The following INTS1 variants were observed in gnomAD, a reference collection of about 807,000 sequenced individuals.
The protein encoded by INTS1 is integrator complex subunit 1.
In INTS1, 137 loss-of-function variants were observed where a neutral mutation model predicts 241.6. The ratio of observed to expected loss-of-function variants is 0.57; its 90% CI spans 0.49 to 0.65. The LOEUF (loss-of-function observed/expected upper bound fraction) is 0.65. Ranked by LOEUF, INTS1 falls within the 30% of genes least tolerant of loss-of-function variation. INTS1 has a pLI of 0.00. For synonymous variants in INTS1, 1,692 were observed against 1,337.8 expected (o/e 1.26, Z -5.78); for missense variants, 3,073 against 3,032.2 (o/e 1.01, Z -0.32).
intron 21 of INTS1, 59 bp from the exon 22 acceptor site, chr7:1,486,833 G>A: frequency 6.2e-7 from 1 of 1,600,664 alleles, no homozygotes; most frequent in South Asian, 1.1e-5. Flanking sequence ...GTAGGACGTG[G>A]GGTGCGCGGC....
In INTS1 at chr7:1,496,167, C is replaced by G; in HGVS notation, c.1700G>C (p.Gly567Ala). Residue 567 changes from glycine to alanine, a missense_variant, in exon 12 of 48, where the codon GGA becomes GCA. By Grantham distance (60) the Gly-to-Ala change is moderately conservative. Coordinates refer to ENST00000404767, the MANE Select transcript of INTS1 (RefSeq NM_001080453.3). ...VKEAGIAWDK[G>A]EKRNLEVLRS... ...CCCCACATCCTTACTCCTCTTTTCT[C>G]CTTTGTCCCAGGCGATGCCGGCCTC... 6.2e-7 allele frequency: 1 copy of G among 1,613,740 alleles called. No individual in the cohort carries two copies. The highest frequency in any genetic ancestry group is 8.5e-7 in the Non-Finnish European group (1 of 1,179,722).
rs1318813769 is a variant in INTS1 at position 1,478,782 on chromosome 7, C to T, written c.4433G>A (p.Arg1478Gln). 1.2e-6 allele frequency: 2 copies of T among 1,603,024 alleles called. No homozygotes were observed. The highest frequency in any genetic ancestry group is 2.3e-5 in the East Asian group (1 of 44,268). Residue 1478 changes from arginine (R) to glutamine (Q), a missense_variant, in exon 32 of 48, where the codon CGG becomes CAG. By Grantham distance (43) the Arg-to-Gln change is conservative. Coordinates refer to ENST00000404767, the MANE Select transcript of INTS1 (RefSeq NM_001080453.3). Reference sequence around the variant, plus strand: ...GCTGGCAAGCATCCTGAGCTGTGCCCGCAGGGGCCCGCCCTCCACGCCAGG... The same window carrying T: ...GCTGGCAAGCATCCTGAGCTGTGCCTGCAGGGGCCCGCCCTCCACGCCAGG... The part of the protein sequence containing the change: ...DSPGVEGGPL[R>Q]AQLRMLASQA...
rs750455522 is a variant in INTS1, at chr7:1,483,804, G to A, written c.3479C>T (p.Ala1160Val). The A allele has an allele frequency of 2.5e-6, 4 of 1,612,368 alleles. No individual in the cohort carries two copies. Among genetic ancestry groups the A allele is most frequent in the East Asian group, 2.2e-5 (1 of 44,888 alleles). The part of the protein sequence containing the change: ...VFLRWSSGET[A>V]TMHILVVHAM... ...ATGGACCACGAGGATGTGCATGGTG[G>A]CTGTCTCCCCGCTGCTCCAGCGTAG... Residue 1160 changes from alanine to valine, a missense_variant, in exon 26 of 48, where the codon GCC becomes GTC. Coordinates refer to ENST00000404767, the MANE Select transcript of INTS1 (RefSeq NM_001080453.3).
chr7:1,479,712 G>A, intron 30 of INTS1, 28 bp from the exon 31 acceptor site: 2 of 1,448,878 alleles, frequency 1.4e-6, no homozygotes, highest in Non-Finnish European at 1.8e-6. Flanking sequence ...AGTGTCAGGA[G>A]GAAGCGGAGG....
At chr7:1,478,113 G>T (rs1018233574) in intron 33 of INTS1, among the ~76,000 whole-genome samples, 177 bp from the exon 34 acceptor site, 1 of 148,128 alleles carries the variant, frequency 6.8e-6, no homozygotes, top group Non-Finnish European at 1.5e-5. Context: ...TGCGGCCGGG[G>T]CTGGAGAGTG....
chr7:1,490,153 C>A (rs1428947319), intron 16 of INTS1, among the ~76,000 whole-genome samples: 1 of 152,214 alleles, frequency 6.6e-6, no homozygotes, highest in Non-Finnish European at 1.5e-5. Flanking sequence ...AAGACCACAC[C>A]AGAAAGCAGA....
At chr7:1,473,875 G>A (rs989843576) in intron 41 of INTS1, among the ~76,000 whole-genome samples, 182 bp from the exon 42 acceptor site, 2 of 152,232 alleles carry the variant, frequency 1.3e-5, no homozygotes, top group African/African-American at 4.8e-5. Context: ...GTGTGGACAT[G>A]GCTGTCTGGG....
chr7:1,479,419 C>A lies in INTS1; in HGVS notation c.4329+11G>T. ...GCCCTCCTCCCCCGCAAGAGGCCCA[C>A]GCCCAAGTACCTGGTACTGGCAGAG... On this transcript the variant is annotated intron_variant, in intron 31 of 47. Coordinates refer to ENST00000404767, the MANE Select transcript of INTS1 (RefSeq NM_001080453.3). 1 of 1,566,586 alleles carries A rather than the reference C, an allele frequency of 6.4e-7. No homozygotes were observed. The highest frequency in any genetic ancestry group is 8.6e-7 in the Non-Finnish European group (1 of 1,156,490).
In INTS1 at chr7:1,499,865, C is replaced by G. The variant is rs1289175130; in HGVS notation, c.684+19G>C. 4.4e-6 allele frequency: 7 copies of G among 1,608,272 alleles called. No homozygotes were observed. The Admixed American group carries it at 8.4e-5, about 19-fold the overall frequency. On this transcript the variant is annotated intron_variant, in intron 5 of 47. Transcript: ENST00000404767. ...CGTGGCGCTCTGCCATCTTCACCGT[C>G]CCGGGAGAGGACGCTCACCTTGACA... is the stretch of plus-strand genomic sequence containing the variant.
chr7:1,487,465 GA>G lies in INTS1; in HGVS notation c.2517-17del. 2 of 1,608,430 alleles carry G rather than the reference GA, an allele frequency of 1.2e-6. No homozygotes were observed. Among genetic ancestry groups the G allele is most frequent in the Non-Finnish European group, 1.7e-6 (2 of 1,178,438 alleles). On this transcript the variant is annotated splice_polypyrimidine_tract_variant and intron_variant, in intron 19 of 47. Coordinates refer to ENST00000404767, the MANE Select transcript of INTS1 (RefSeq NM_001080453.3). ...GGGGGGCCCCCTGAGGGCCACAGGG[GA>G]CACGGTGCGTCAGCACGCCCTGAGC...
intron 18 of INTS1, among the ~76,000 whole-genome samples, chr7:1,488,360 T>C (rs527924003): frequency 5.9e-5 from 9 of 152,222 alleles, no homozygotes; most frequent in African/African-American, 1.9e-4. Context: ...CTCTCTTGCC[T>C]ACAGAGGCAC....
In INTS1 at chr7:1,481,218, A is replaced by G. The variant is rs1331052917; in HGVS notation, c.3850+124T>C. 1 of 1,108,904 alleles carries G rather than the reference A, an allele frequency of 9.0e-7. No individual in the cohort carries two copies. The allele number at this position is 1,108,904 out of a possible 1,614,324, so 68.7% of individuals were successfully genotyped here. A position where few individuals can be genotyped will look rare whatever the true frequency, so the allele number is the denominator to read the frequency against. On this transcript the variant is annotated intron_variant, in intron 28 of 47. Coordinates refer to ENST00000404767, the MANE Select transcript of INTS1 (RefSeq NM_001080453.3). This position sits in a 1 kb window ranked among gnomAD's most constrained non-coding sequence, Gnocchi z 6.8. The stretch of plus-strand genomic sequence containing the variant: ...ACCCACAGGTCTAAGCCTGCCCTCG[A>G]GTGCCACCCACACCCACCCGACCTC...
chr7:1,472,351 C>T lies in INTS1; in HGVS notation c.6106G>A (p.Val2036Ile), dbSNP rs200867969. 1.2e-4 allele frequency: 184 copies of T among 1,572,144 alleles called. No individual in the cohort carries two copies. The highest frequency in any genetic ancestry group is 1.4e-4 in the Non-Finnish European group (168 of 1,159,302). The change falls in exon 44 of 48, where the codon GTC becomes ATC. Residue 2036 changes from valine (V) to isoleucine (I), a missense_variant. By Grantham distance (29) the Val-to-Ile change is conservative (BLOSUM62 3). Coordinates refer to ENST00000404767, the MANE Select transcript of INTS1 (RefSeq NM_001080453.3). ...SSAGSLPLVS[V>I]SLFTPLTAAE... ...GCGGTCAGAGGGGTGAACAGGGAGA[C>T]GCTGACCAGGGGCAAGGAGCCGGCT...
At chr7:1,491,949 C>G (rs1186125398) in intron 16 of INTS1, among the ~76,000 whole-genome samples, 1 of 152,208 alleles carries the variant, frequency 6.6e-6, no homozygotes, top group South Asian at 2.1e-4. Flanking sequence ...GAGATACCGT[C>G]TCACCCCAGC....
In INTS1 at chr7:1,480,950, G is replaced by T; in HGVS notation, c.3851-17C>A. On this transcript the variant is annotated splice_polypyrimidine_tract_variant and intron_variant, in intron 28 of 47. Coordinates refer to ENST00000404767, the MANE Select transcript of INTS1 (RefSeq NM_001080453.3). ...CCATGTAATCTGCAAACCGTAGCAGGGTCACACCTGGGCGCGGCCAGGGGC... is the reference window on the plus strand; with the variant it reads ...CCATGTAATCTGCAAACCGTAGCAGTGTCACACCTGGGCGCGGCCAGGGGC... The T allele has an allele frequency of 6.4e-7, 1 of 1,573,112 alleles. No individual in the cohort carries two copies. Among genetic ancestry groups the T allele is most frequent in the Non-Finnish European group, 8.6e-7 (1 of 1,157,038 alleles).
At chr7:1,479,807 C>G in intron 30 of INTS1, 123 bp from the exon 31 acceptor site, 7 of 1,105,246 alleles carry the variant, frequency 6.3e-6, no homozygotes, top group Non-Finnish European at 7.4e-6. Flanking sequence ...CCTGTTCATT[C>G]GTAGCCCCCA....
At chr7:1,471,895 C>G in intron 44 of INTS1, 5 of 584,074 alleles carry the variant, frequency 8.6e-6, no homozygotes, top group South Asian at 8.4e-5. Context: ...GCTCTTAGCA[C>G]CAAGTGTCCC....
In INTS1 at chr7:1,481,331, T is replaced by C. The variant is rs986581451; in HGVS notation, c.3850+11A>G. On this transcript the variant is annotated intron_variant, in intron 28 of 47. Transcript: ENST00000404767. This position sits in a 1 kb window ranked among gnomAD's most constrained non-coding sequence, Gnocchi z 6.8. The stretch of plus-strand genomic sequence containing the variant: ...TGTGTGAACCCACTCCGCAGGTCCC[T>C]GGCATCTTACTCTTGTCCATGATGT... 9 of 1,612,536 alleles carry C rather than the reference T, an allele frequency of 5.6e-6. No individual in the cohort carries two copies. The highest frequency in any genetic ancestry group is 7.6e-6 in the Non-Finnish European group (9 of 1,179,686).
Position 1,493,539 on chromosome 7 carries a change from C to T in INTS1, c.2068+215G>A, listed in dbSNP as rs1003997275. On this transcript the variant is annotated intron_variant, in intron 15 of 47. Coordinates refer to ENST00000404767, the MANE Select transcript of INTS1 (RefSeq NM_001080453.3). The surrounding 1 kb of genome is among the most constrained non-coding windows in gnomAD (Gnocchi z 5.3). Reference sequence around the variant, plus strand: ...CAAAAAATGTGCAAATTCCAAAGAACGGGGCAGTGACTGCACCATTGCCAA... The same window carrying T: ...CAAAAAATGTGCAAATTCCAAAGAATGGGGCAGTGACTGCACCATTGCCAA... Among the ~76,000 whole-genome samples the T allele has an allele frequency of 6.6e-6, 1 of 152,118 alleles. No homozygotes were observed. The highest frequency in any genetic ancestry group is 1.5e-5 in the Non-Finnish European group (1 of 68,032).
Sources: allele counts gnomAD v4.1 joint callset (sites outside exome capture counted in the v4.1 genomes callset), GRCh38; gene constraint gnomAD v4.1.1; non-coding constraint Gnocchi (gnomAD v3.1); transcripts MANE v1.5; gene names NCBI Gene and HGNC (gene_info 2026-07-23, HGNC 2026-07-21).